The following PTPRT variants were observed in gnomAD, a reference collection of about 807,000 sequenced individuals.
The protein encoded by PTPRT is receptor-type tyrosine-protein phosphatase T.
Under a neutral mutation model 176.8 loss-of-function variants are expected in PTPRT, and 56 were observed. The observed-to-expected ratio is 0.32, with a 90% CI of 0.26 to 0.40. The LOEUF (loss-of-function observed/expected upper bound fraction) is 0.40. Ranked by LOEUF, PTPRT falls within the 10% of genes least tolerant of loss-of-function variation. The pLI, the probability that PTPRT is intolerant of heterozygous loss-of-function variation, is 1.00. For synonymous variants in PTPRT, 783 were observed against 739.0 expected, an observed-to-expected ratio of 1.06 and a Z score of -0.96; for missense variants, 1,540 against 1,908.2, an observed-to-expected ratio of 0.81 and a Z score of 3.60.
chr20:42,480,348 C>T (rs1050172665), intron 7 of PTPRT, among the ~76,000 whole-genome samples: 3 of 152,170 alleles, frequency 2.0e-5, no homozygotes, highest in African/African-American at 4.8e-5. Flanking sequence ...TGAGACAGAA[C>T]AGCCACTGAG....
intron 2 of PTPRT, among the ~76,000 whole-genome samples, chr20:42,845,373 T>C (rs758886976): frequency 9.9e-5 from 15 of 152,194 alleles, no homozygotes; most frequent in Admixed American, 2.6e-4. Flanking sequence ...TTTCCATATA[T>C]GCAGGTTTAT....
intron 6 of PTPRT, among the ~76,000 whole-genome samples, chr20:42,728,461 G>A (rs887507492): frequency 2.0e-5 from 3 of 152,172 alleles, no homozygotes; most frequent in Admixed American, 6.5e-5. Flanking sequence ...ATCCAGTGGT[G>A]AGGCTAGATT....
At chr20:42,511,106 A>G (rs1324706423) in intron 7 of PTPRT, among the ~76,000 whole-genome samples, 3 of 152,160 alleles carry the variant, frequency 2.0e-5, no homozygotes, top group African/African-American at 4.8e-5. Flanking sequence ...GCACATGGCC[A>G]CATGATGCTC....
chr20:43,083,361 T>TATATATATATAC (rs2011515657), intron 1 of PTPRT, among the ~76,000 whole-genome samples: 1 of 122,208 alleles, frequency 8.2e-6, no homozygotes, highest in African/African-American at 3.4e-5. Context: ...TATATATATA[T>TATATATATATAC]ATATATATAC....
intron 7 of PTPRT, among the ~76,000 whole-genome samples, chr20:42,673,606 C>T (rs2075449061): frequency 6.6e-6 from 1 of 152,132 alleles, no homozygotes; most frequent in Admixed American, 6.5e-5. Context: ...GGCCCATTTC[C>T]TGGGTCCTCA....
At chr20:42,236,593 A>AT (rs11480202) in intron 14 of PTPRT, among the ~76,000 whole-genome samples, 49,551 of 135,618 alleles carry the variant, frequency 0.37, 9,038 homozygotes, top group East Asian at 0.39. Flanking sequence ...TGTAATTATG[A>AT]TTTTTTTTTT....
chr20:42,519,334 G>A (rs1380674375), intron 7 of PTPRT, among the ~76,000 whole-genome samples: 2 of 152,070 alleles, frequency 1.3e-5, no homozygotes, highest in African/African-American at 4.8e-5. Context: ...AATCAATGGT[G>A]TGCAGGTACC....
chr20:42,565,012 C>T (rs1220017210), intron 7 of PTPRT, among the ~76,000 whole-genome samples: 2 of 152,148 alleles, frequency 1.3e-5, no homozygotes, highest in African/African-American at 4.8e-5. Flanking sequence ...GATGGCTTTG[C>T]AGAGGAATCA....
chr20:42,254,682 G>A (rs79295411), intron 13 of PTPRT, among the ~76,000 whole-genome samples: 1 of 152,176 alleles, frequency 6.6e-6, no homozygotes. Context: ...GAGCTAATCA[G>A]CTAAGGCTAA....
Position 42,081,913 on chromosome 20 carries a change from C to T in PTPRT, c.4241G>A (p.Arg1414His), listed in dbSNP as rs778726076. Residue 1414 changes from arginine to histidine, a missense_variant, in exon 30 of 31, where the codon CGT becomes CAT. This residue lies in a region of PTPRT where 342 missense variants were observed against 394.0 expected (regional missense o/e 0.87). Coordinates refer to ENST00000373187, the MANE Select transcript of PTPRT (RefSeq NM_007050.6). ...CTCCACCATGTTGGATTTGTTGTTA[C>T]GCAGTGTTTTCACGATGTGGAACAC... ...IDVFHIVKTL[R>H]NNKSNMVETL... The T allele has an allele frequency of 6.2e-6, 10 of 1,614,128 alleles. No homozygotes were observed. Among genetic ancestry groups the T allele is most frequent in the East Asian group, 2.2e-5 (1 of 44,896 alleles).
chr20:43,131,614 G>C (rs2013649903), intron 1 of PTPRT, among the ~76,000 whole-genome samples: 1 of 152,016 alleles, frequency 6.6e-6, no homozygotes, highest in Non-Finnish European at 1.5e-5. Flanking sequence ...GAAACATTCA[G>C]GCCTAGATGG....
At chr20:42,103,323 A>G (rs572487008) in intron 25 of PTPRT, among the ~76,000 whole-genome samples, 2 of 152,342 alleles carry the variant, frequency 1.3e-5, no homozygotes, top group African/African-American at 4.8e-5. Flanking sequence ...TAACATGCAT[A>G]CAAATCACTC....
chr20:42,098,645 A>AG, intron 26 of PTPRT, 93 bp from the exon 27 acceptor site: 1 of 1,520,688 alleles, frequency 6.6e-7, no homozygotes, highest in Non-Finnish European at 8.9e-7. Flanking sequence ...GAGGCTCCAG[A>AG]GCCTGCCAAA....
chr20:42,294,441 G>T (rs1254840621), intron 12 of PTPRT, among the ~76,000 whole-genome samples: 1 of 151,932 alleles, frequency 6.6e-6, no homozygotes, highest in African/African-American at 2.4e-5. Context: ...AATCACAAAA[G>T]CTAGAATAAA....
At chr20:43,060,138 C>G (rs1172633500) in intron 1 of PTPRT, among the ~76,000 whole-genome samples, 1 of 152,128 alleles carries the variant, frequency 6.6e-6, no homozygotes, top group East Asian at 1.9e-4. Flanking sequence ...GTGTTTGGCA[C>G]AGGAGCACCC....
chr20:42,950,877 GTTATATTTTAGTAT>G, intron 1 of PTPRT, among the ~76,000 whole-genome samples: 1 of 152,258 alleles, frequency 6.6e-6, no homozygotes, highest in Non-Finnish European at 1.5e-5. Context: ...AAAGGCACAG[GTTATATTTTAGTAT>G]TTTAGATGAA....
intron 15 of PTPRT, among the ~76,000 whole-genome samples, chr20:42,226,411 A>G (rs2056011837): frequency 2.6e-5 from 4 of 152,218 alleles, no homozygotes; most frequent in Admixed American, 2.6e-4. Context: ...CTATCTAATA[A>G]TGACTTCCGA....
At chr20:42,807,251 G>A (rs1422977865) in intron 2 of PTPRT, among the ~76,000 whole-genome samples, 1 of 152,196 alleles carries the variant, frequency 6.6e-6, no homozygotes. Flanking sequence ...CGGCATAGGT[G>A]GCTGAGCTCT....
At chr20:42,212,301 TA>T (rs763081026) in intron 15 of PTPRT, among the ~76,000 whole-genome samples, 19,020 of 52,828 alleles carry the variant, frequency 0.36, 2,071 homozygotes, top group African/African-American at 0.51. Context: ...ACTTAAAGTA[TA>T]AAAAAAAAAA....
Sources: allele counts gnomAD v4.1 joint callset (sites outside exome capture counted in the v4.1 genomes callset), GRCh38; gene constraint gnomAD v4.1.1; regional missense constraint gnomAD v4.1.1; transcripts MANE v1.5; gene names NCBI Gene and HGNC (gene_info 2026-07-23, HGNC 2026-07-21).